The following SFI1 variants were observed in gnomAD, a reference collection of about 807,000 sequenced individuals.
The protein encoded by SFI1 is protein SFI1 homolog.
SFI1 carries 195 observed loss-of-function variants against 207.5 expected under a neutral mutation model. The ratio of observed to expected loss-of-function variants is 0.94; its 90% CI spans 0.84 to 1.06. The LOEUF (loss-of-function observed/expected upper bound fraction) is 1.06, where lower values mean the gene tolerates loss of function less well. Ranked by LOEUF, SFI1 falls within the 50% of genes least tolerant of loss-of-function variation. SFI1 has a pLI of 0.00. For synonymous variants in SFI1, 630 were observed against 598.9 expected (o/e 1.05, Z -0.76); for missense variants, 1,634 against 1,588.0 (o/e 1.03, Z -0.49).
At chr22:31,563,021 G>C (rs1268838513) in intron 8 of SFI1, among the ~76,000 whole-genome samples, 4 of 137,494 alleles carry the variant, frequency 2.9e-5, no homozygotes, top group Non-Finnish European at 6.5e-5. Flanking sequence ...ACAGAGTATT[G>C]CTCGCTCTGT....
At chr22:31,603,889 CACAGGCA>C in intron 18 of SFI1, 70 bp downstream of exon 18, 1 of 1,415,454 alleles carries the variant, frequency 7.1e-7, no homozygotes, top group Non-Finnish European at 9.6e-7. Flanking sequence ...CAGCAGGACT[CACAGGCA>C]ACATATGGGC....
At chr22:31,552,242 GGT>G (rs1252520689) in intron 6 of SFI1, among the ~76,000 whole-genome samples, 1 of 151,924 alleles carries the variant, frequency 6.6e-6, no homozygotes, top group East Asian at 1.9e-4. Flanking sequence ...GGTATTCCAT[GGT>G]GTGTATTTTC....
At chr22:31,596,263 ATC>A (rs376564682) in intron 15 of SFI1, among the ~76,000 whole-genome samples, 12 of 151,310 alleles carry the variant, frequency 7.9e-5, no homozygotes, top group Admixed American at 4.6e-4. Flanking sequence ...CAAAATAAAT[ATC>A]TCTCTCTCTC....
intron 1 of SFI1, among the ~76,000 whole-genome samples, chr22:31,498,203 G>A (rs1454735618): frequency 6.6e-6 from 1 of 152,160 alleles, no homozygotes; most frequent in Non-Finnish European, 1.5e-5. Context: ...GCTGAGGCAG[G>A]AGAATCACTT....
chr22:31,581,301 G>C (rs1270779601), intron 12 of SFI1, among the ~76,000 whole-genome samples: 3 of 87,764 alleles, frequency 3.4e-5, no homozygotes, highest in Admixed American at 1.2e-4. Flanking sequence ...TTTTTTTTTT[G>C]AGACAGGGTC....
chr22:31,516,759 A>G (rs2056572148), intron 2 of SFI1, among the ~76,000 whole-genome samples: 1 of 151,804 alleles, frequency 6.6e-6, no homozygotes, highest in Admixed American at 6.6e-5. Flanking sequence ...GTTCGAGACC[A>G]GCCTGACCAA....
chr22:31,563,687 G>T (rs1243826107), intron 8 of SFI1, among the ~76,000 whole-genome samples: 1 of 152,094 alleles, frequency 6.6e-6, no homozygotes, highest in African/African-American at 2.4e-5. Flanking sequence ...CCGGGTTCAA[G>T]CGATTCTCCT....
chr22:31,582,148 T>C lies in SFI1; in HGVS notation c.1249-1727T>C, dbSNP rs112061357. Reference sequence around the variant, plus strand: ...GCAGAAATGGATTTTGTTGCTATATTTCTTAAAGCTTTTAATCTAGAACTT... The same window carrying C: ...GCAGAAATGGATTTTGTTGCTATATCTCTTAAAGCTTTTAATCTAGAACTT... On this transcript the variant is annotated intron_variant, in intron 12 of 32. Transcript: ENST00000400288. Among the ~76,000 whole-genome samples, 661 of 137,282 alleles carry C rather than the reference T, an allele frequency of 4.8e-3. 6 individuals are homozygous for C. Among genetic ancestry groups the C allele is most frequent in the African/African-American group, 0.017 (640 of 37,402 alleles). The allele number at this position is 137,282 out of a possible 152,430, so 90.1% of individuals were successfully genotyped here. A position where few individuals can be genotyped will look rare whatever the true frequency, so the allele number is the denominator to read the frequency against.
Position 31,613,124 on chromosome 22 carries a change from T to G in SFI1, c.2491-18T>G. 6.2e-7 allele frequency: 1 copy of G among 1,612,220 alleles called. No individual in the cohort carries two copies. The highest frequency in any genetic ancestry group is 8.5e-7 in the Non-Finnish European group (1 of 1,179,786). On this transcript the variant is annotated intron_variant, in intron 24 of 32. Coordinates refer to ENST00000400288, the MANE Select transcript of SFI1 (RefSeq NM_001007467.3). Reference sequence around the variant, plus strand: ...TTGAAGGGGCTATAGGGAAATGATCTGGTCTTTCTGGCCCTAGCTGGCAGC... The same window carrying G: ...TTGAAGGGGCTATAGGGAAATGATCGGGTCTTTCTGGCCCTAGCTGGCAGC...
chr22:31,541,404 G>A (rs1220996826), intron 4 of SFI1, among the ~76,000 whole-genome samples: 1 of 152,106 alleles, frequency 6.6e-6, no homozygotes, highest in Non-Finnish European at 1.5e-5. Flanking sequence ...GGGAATGGAA[G>A]GAGGTAAATG....
intron 24 of SFI1, 33 bp downstream of exon 24, chr22:31,611,873 C>A: frequency 6.2e-7 from 1 of 1,611,888 alleles, no homozygotes; most frequent in South Asian, 1.1e-5. Context: ...CTCTGCACTT[C>A]CTTCTCCATC....
chr22:31,572,261 T>C (rs1243959195), intron 8 of SFI1, among the ~76,000 whole-genome samples: 2 of 152,174 alleles, frequency 1.3e-5, no homozygotes, highest in East Asian at 1.9e-4. Flanking sequence ...AGAAAAGATA[T>C]GAAGTCTTTG....
At chr22:31,558,238 T>G (rs541451648) in intron 7 of SFI1, among the ~76,000 whole-genome samples, 1 of 152,158 alleles carries the variant, frequency 6.6e-6, no homozygotes, top group East Asian at 1.9e-4. Flanking sequence ...TAAGTAGAAA[T>G]AAAATAGGCA....
chr22:31,600,585 G>T (rs1217119788), intron 15 of SFI1, among the ~76,000 whole-genome samples: 1 of 152,142 alleles, frequency 6.6e-6, no homozygotes, highest in East Asian at 1.9e-4. Context: ...CCTCTGTTCA[G>T]CTGTCTCCTT....
chr22:31,584,951 A>G (rs1200493454), intron 13 of SFI1, 117 bp from the exon 14 acceptor site: 4 of 649,100 alleles, frequency 6.2e-6, no homozygotes, highest in Non-Finnish European at 1.0e-5. Context: ...CTAGAATGAA[A>G]CTAGTAAGCC....
At chr22:31,506,229 G>A (rs1410410675) in intron 1 of SFI1, among the ~76,000 whole-genome samples, 2 of 151,904 alleles carry the variant, frequency 1.3e-5, no homozygotes, top group Non-Finnish European at 2.9e-5. Context: ...TGTACTTTTA[G>A]TAGAGATGGA....
intron 12 of SFI1, 56 bp downstream of exon 12, chr22:31,580,420 C>T (rs1186312865): frequency 6.9e-6 from 10 of 1,449,160 alleles, no homozygotes; most frequent in Non-Finnish European, 8.6e-6. Context: ...CTCTCTCGCT[C>T]TTTTTTTCAG....
At chr22:31,518,742 C>T (rs1268177151) in intron 2 of SFI1, among the ~76,000 whole-genome samples, 1 of 152,204 alleles carries the variant, frequency 6.6e-6, no homozygotes, top group African/African-American at 2.4e-5. Context: ...TGGACCTACA[C>T]TGTTGTGTGT....
At position 31,528,864 on chromosome 22, in the gene SFI1, G is replaced by T; in HGVS notation, c.266+1G>T. ...GCCGGTTAAGAGAACTGCGCATCAGGTGAGCTTATGAGTGGCCACCAGTCT... is the reference window on the plus strand; with the variant it reads ...GCCGGTTAAGAGAACTGCGCATCAGTTGAGCTTATGAGTGGCCACCAGTCT... On this transcript the variant is annotated splice_donor_variant, in intron 3 of 32. Coordinates refer to ENST00000400288, the MANE Select transcript of SFI1 (RefSeq NM_001007467.3). LOFTEE classifies it high-confidence loss of function. The T allele has an allele frequency of 6.2e-7, 1 of 1,612,370 alleles. No homozygotes were observed. Among genetic ancestry groups the T allele is most frequent in the Non-Finnish European group, 8.5e-7 (1 of 1,178,990 alleles).
Sources: allele counts gnomAD v4.1 joint callset (sites outside exome capture counted in the v4.1 genomes callset), GRCh38; gene constraint gnomAD v4.1.1; transcripts MANE v1.5; gene names NCBI Gene and HGNC (gene_info 2026-07-23, HGNC 2026-07-21).